ZZZ3: variants seen among roughly 807,000 people sequenced by gnomAD.
The protein encoded by ZZZ3 is zinc finger ZZ-type containing 3, also known as ZZ-type zinc finger-containing protein 3.
ZZZ3 carries 22 observed loss-of-function variants against 95.2 expected under a neutral mutation model. That is an observed-to-expected ratio of 0.23 (90% confidence interval 0.17 to 0.33). The LOEUF is 0.33. Among genes scored for constraint, ZZZ3 ranks in the 10% least tolerant of loss-of-function variants. The pLI is 1.00. For synonymous variants in ZZZ3, 335 were observed against 358.9 expected (o/e 0.93, Z 0.75); for missense variants, 885 against 1,066.5 (o/e 0.83, Z 2.37).
At position 77,579,567 on chromosome 1, in the gene ZZZ3, T is replaced by A; in HGVS notation, c.2042A>T (p.Gln681Leu). The change falls in exon 10 of 15, where the codon CAG (glutamine) becomes CTG (leucine). Residue 681 changes from glutamine to leucine, a missense_variant. By Grantham distance (113) the Gln-to-Leu change is moderately radical. Transcript: ENST00000370801. ...GTTGCCCAATTCATCTGCTATCTTCTGCCAGCGTCGAGATTCTACTTCTTC... is the reference window on the plus strand; with the variant it reads ...GTTGCCCAATTCATCTGCTATCTTCAGCCAGCGTCGAGATTCTACTTCTTC... The part of the protein sequence containing the change: ...PPEEVESRRW[Q>L]KIADELGNRT... The A allele has an allele frequency of 6.3e-7, 1 of 1,590,790 alleles. No homozygotes were observed. Among genetic ancestry groups the A allele is most frequent in the Non-Finnish European group, 8.5e-7 (1 of 1,170,444 alleles).
At chr1:77,636,705 GAAAAAAA>G (rs10568853) in intron 4 of ZZZ3, among the ~76,000 whole-genome samples, 9 of 67,628 alleles carry the variant, frequency 1.3e-4, no homozygotes, top group South Asian at 6.2e-4. Context: ...GCCCTGTCTT[GAAAAAAA>G]AAAAAAAAAA....
intron 14 of ZZZ3, 57 bp from the exon 15 acceptor site, chr1:77,565,841 G>T: frequency 6.7e-7 from 1 of 1,500,024 alleles, no homozygotes; most frequent in African/African-American, 1.4e-5. Flanking sequence ...TTTAGTCTGT[G>T]TATTACAAAG....
At chr1:77,639,065 CGGTAGGTA>C (rs4032278) in intron 4 of ZZZ3, among the ~76,000 whole-genome samples, 4 of 150,970 alleles carry the variant, frequency 2.6e-5, no homozygotes, top group Admixed American at 1.3e-4. Flanking sequence ...GACAGATGGT[CGGTAGGTA>C]GGTAGGTAGG....
intron 3 of ZZZ3, among the ~76,000 whole-genome samples, chr1:77,640,683 A>G (rs1052276284): frequency 2.0e-5 from 3 of 152,142 alleles, no homozygotes; most frequent in African/African-American, 7.2e-5. Flanking sequence ...GAAGAGGACT[A>G]AGAAAACGAC....
chr1:77,670,606 C>T (rs1671687469), intron 1 of ZZZ3, among the ~76,000 whole-genome samples: 1 of 151,966 alleles, frequency 6.6e-6, no homozygotes, highest in South Asian at 2.1e-4. Context: ...TAAGAGCTGC[C>T]TTACTGAAAT....
chr1:77,584,999 A>T (rs1662946161), intron 5 of ZZZ3: 1 of 156,604 alleles, frequency 6.4e-6, no homozygotes, highest in Admixed American at 6.4e-5. Context: ...TAAAATCTTA[A>T]TACTAGGAGG....
At chr1:77,682,727 C>A (rs990825767), upstream of ZZZ3, 7 of 152,196 alleles carry the variant, frequency 4.6e-5, no homozygotes, top group Non-Finnish European at 7.3e-5. Flanking sequence ...TCCACTAGAC[C>A]CAACATGGCG....
chr1:77,587,751 C>T (rs1184036035), intron 5 of ZZZ3, among the ~76,000 whole-genome samples: 3 of 152,152 alleles, frequency 2.0e-5, no homozygotes, highest in Non-Finnish European at 4.4e-5. Flanking sequence ...CAACACAGTT[C>T]GAACTGCGTG....
chr1:77,633,432 G>A (rs1668009636), intron 4 of ZZZ3, 27 bp from the exon 5 acceptor site: 5 of 1,465,024 alleles, frequency 3.4e-6, no homozygotes, highest in Non-Finnish European at 4.6e-6. Context: ...AAAATAATGA[G>A]AAAAAGGTAA....
chr1:77,591,606 A>T (rs9988619), intron 5 of ZZZ3, among the ~76,000 whole-genome samples: 3 of 152,042 alleles, frequency 2.0e-5, no homozygotes, highest in Non-Finnish European at 2.9e-5. Context: ...AGCCTACCAA[A>T]GTGCTGGGAT....
intron 6 of ZZZ3, among the ~76,000 whole-genome samples, chr1:77,583,085 T>C (rs1363240527): frequency 6.6e-6 from 1 of 151,558 alleles, no homozygotes; most frequent in African/African-American, 2.4e-5. Flanking sequence ...CCAGCCTGGG[T>C]GACCTAGTGA....
chr1:77,630,737 C>G (rs1394646246), intron 5 of ZZZ3, among the ~76,000 whole-genome samples: 1 of 152,064 alleles, frequency 6.6e-6, no homozygotes, highest in Non-Finnish European at 1.5e-5. Context: ...CAGAAGGGGC[C>G]TATGCTGAAA....
At chr1:77,600,800 T>C (rs574031649) in intron 5 of ZZZ3, among the ~76,000 whole-genome samples, 86 of 152,110 alleles carry the variant, frequency 5.7e-4, no homozygotes, top group Admixed American at 8.5e-4. Context: ...AATTACACAG[T>C]GCTCTATAAA....
chr1:77,661,298 T>A (rs1210399428), intron 1 of ZZZ3, among the ~76,000 whole-genome samples: 1 of 151,948 alleles, frequency 6.6e-6, no homozygotes, highest in Non-Finnish European at 1.5e-5. Context: ...CTGTAATACC[T>A]GCTACTTGGA....
intron 5 of ZZZ3, among the ~76,000 whole-genome samples, chr1:77,611,740 A>C (rs1030569413): frequency 1.3e-5 from 2 of 152,072 alleles, no homozygotes; most frequent in African/African-American, 4.8e-5. Flanking sequence ...AGGGACAGTC[A>C]GTTCAATAAA....
Position 77,585,226 on chromosome 1 carries a change from A to G in ZZZ3, c.1506-571T>C, listed in dbSNP as rs988032041. Among the ~76,000 whole-genome samples, 6 of 152,202 alleles carry G rather than the reference A, an allele frequency of 3.9e-5. No homozygotes were observed. The South Asian group carries it at 1.2e-3, about 32-fold the overall frequency. On this transcript the variant is annotated intron_variant, in intron 5 of 14. Coordinates refer to ENST00000370801, the MANE Select transcript of ZZZ3 (RefSeq NM_015534.6). ...TTTCCTCTGCATGAAAGATAAAGAC[A>G]AATGTTCAATTCTTAAGTATTAATC...
intron 5 of ZZZ3, among the ~76,000 whole-genome samples, chr1:77,628,803 A>G (rs554772818): frequency 5.9e-5 from 9 of 152,362 alleles, no homozygotes; most frequent in African/African-American, 1.9e-4. Flanking sequence ...AAAACTGGCT[A>G]TCAAGAAGTA....
At chr1:77,634,243 A>T (rs1476987390) in intron 4 of ZZZ3, among the ~76,000 whole-genome samples, 1 of 152,112 alleles carries the variant, frequency 6.6e-6, no homozygotes, top group African/African-American at 2.4e-5. Flanking sequence ...TCTTTCAAAA[A>T]ACTATTCCAA....
At chr1:77,680,541 CTCTTA>C (rs991275036) in intron 1 of ZZZ3, among the ~76,000 whole-genome samples, 1 of 152,184 alleles carries the variant, frequency 6.6e-6, no homozygotes, top group African/African-American at 2.4e-5. Flanking sequence ...GTGGACAATT[CTCTTA>C]TGTGACTGGT....
Sources: allele counts gnomAD v4.1 joint callset (sites outside exome capture counted in the v4.1 genomes callset), GRCh38; gene constraint gnomAD v4.1.1; transcripts MANE v1.5; gene names NCBI Gene and HGNC (gene_info 2026-07-23, HGNC 2026-07-21).